Variants in LMO7 observed in about 807,000 individuals in gnomAD.
LMO7 encodes LIM domain 7.
Under a neutral mutation model 206.5 loss-of-function variants are expected in LMO7, and 120 were observed. The observed-to-expected ratio is 0.58, with a 90% confidence interval of 0.50 to 0.68. LMO7 has a LOEUF of 0.68. LMO7 is among the 30% of genes least tolerant of loss of function. The pLI is 0.00. For missense variants in LMO7, 1,959 were observed against 1,957.9 expected (o/e 1.00, Z -0.01); for synonymous variants, 706 against 681.5 (o/e 1.04, Z -0.56).
intron 2 of LMO7, among the ~76,000 whole-genome samples, chr13:75,718,140 G>A (rs558083493): frequency 7.2e-5 from 11 of 152,232 alleles, no homozygotes; most frequent in Middle Eastern, 3.4e-3. Flanking sequence ...ATCATGGTTC[G>A]TTTCACCTGT....
At chr13:75,827,133 T>C (rs186154210) in intron 15 of LMO7, among the ~76,000 whole-genome samples, 2 of 152,314 alleles carry the variant, frequency 1.3e-5, no homozygotes, top group East Asian at 3.9e-4. Context: ...TTCACTGATA[T>C]TCTTTGTACA....
Position 75,682,943 on chromosome 13 carries a change from C to T in LMO7, c.70-30239C>T, listed in dbSNP as rs190527602. On this transcript the variant is annotated intron_variant, in intron 1 of 30. Transcript: ENST00000377534. ...CATCTATGTATCTTCGATGAAGTGT[C>T]CAGATTATTTGTTTGCCCATCTTTT... Among the ~76,000 whole-genome samples, 226 of 152,200 alleles carry T rather than the reference C, an allele frequency of 1.5e-3. 1 individual carries two copies. The highest frequency in any genetic ancestry group is 5.0e-3 in the African/African-American group (209 of 41,534).
intron 28 of LMO7, 70 bp downstream of exon 28, chr13:75,853,458 C>A: frequency 1.5e-6 from 2 of 1,373,730 alleles, no homozygotes; most frequent in East Asian, 2.4e-5. Context: ...TCCCCCAAAT[C>A]CTGTCCAAGT....
chr13:75,621,401 G>A (rs2033301896), exon 1 of LMO7: 1 of 170,830 alleles, frequency 5.9e-6, no homozygotes, highest in African/African-American at 2.4e-5. Context: ...TATCTTTCCT[G>A]TAATAATACT....
chr13:75,835,478 T>C (rs1403886620), intron 18 of LMO7, 139 bp downstream of exon 18: 2 of 557,826 alleles, frequency 3.6e-6, no homozygotes, highest in Admixed American at 7.8e-5. Context: ...ATGTAAATTA[T>C]AGTAAAGAGA....
At chr13:75,680,594 T>C (rs944761557) in intron 1 of LMO7, among the ~76,000 whole-genome samples, 2 of 152,082 alleles carry the variant, frequency 1.3e-5, no homozygotes, top group African/African-American at 4.8e-5. Flanking sequence ...AATTTTACTT[T>C]AAGTTCTGGG....
chr13:75,677,218 A>G (rs1378335958), intron 1 of LMO7, among the ~76,000 whole-genome samples: 1 of 152,224 alleles, frequency 6.6e-6, no homozygotes, highest in African/African-American at 2.4e-5. Context: ...CTCTACAAAA[A>G]TCTACTCTAA....
intron 15 of LMO7, among the ~76,000 whole-genome samples, chr13:75,826,871 C>G (rs1037800461): frequency 5.9e-5 from 9 of 152,110 alleles, no homozygotes; most frequent in Non-Finnish European, 1.3e-4. Flanking sequence ...ACACGATTCA[C>G]CTGCATACCA....
At chr13:75,681,417 A>C (rs2139503103) in intron 1 of LMO7, among the ~76,000 whole-genome samples, 1 of 152,252 alleles carries the variant, frequency 6.6e-6, no homozygotes, top group East Asian at 1.9e-4. Context: ...TAGCCATTTC[A>C]TACTATCAAC....
At chr13:75,659,501 T>TA (rs1269396547) in intron 1 of LMO7, among the ~76,000 whole-genome samples, 14 of 152,276 alleles carry the variant, frequency 9.2e-5, no homozygotes, top group African/African-American at 3.4e-4. Context: ...AGGCACTTCT[T>TA]ACGTGGATGG....
chr13:75,682,586 G>T (rs542389386), intron 1 of LMO7, among the ~76,000 whole-genome samples: 2 of 152,182 alleles, frequency 1.3e-5, no homozygotes, highest in South Asian at 4.2e-4. Flanking sequence ...GAGGGTGGTG[G>T]CCTTGAAAGC....
At chr13:75,701,977 G>C (rs9318367) in intron 1 of LMO7, among the ~76,000 whole-genome samples, 1 of 151,976 alleles carries the variant, frequency 6.6e-6, no homozygotes, top group Admixed American at 6.6e-5. Flanking sequence ...TCTTCCAGTT[G>C]TATTTCATTT....
At chr13:75,736,874 G>T (rs1024194223) in intron 3 of LMO7, among the ~76,000 whole-genome samples, 1 of 152,156 alleles carries the variant, frequency 6.6e-6, no homozygotes, top group Non-Finnish European at 1.5e-5. Context: ...ACAGCATCTA[G>T]CATAGTGACT....
chr13:75,647,235 A>G (rs1274255577), intron 1 of LMO7, among the ~76,000 whole-genome samples: 1 of 152,224 alleles, frequency 6.6e-6, no homozygotes, highest in Non-Finnish European at 1.5e-5. Flanking sequence ...AAGTGGATGA[A>G]TGAACAAATA....
chr13:75,677,912 G>A (rs531370044), intron 1 of LMO7, among the ~76,000 whole-genome samples: 99 of 150,866 alleles, frequency 6.6e-4, no homozygotes, highest in Non-Finnish European at 5.6e-4. Context: ...TTGTCCTTGC[G>A]ATAGTTTGCT....
intron 1 of LMO7, among the ~76,000 whole-genome samples, chr13:75,709,246 C>T (rs1413635465): frequency 4.6e-5 from 7 of 152,092 alleles, no homozygotes; most frequent in South Asian, 2.1e-4. Context: ...TGAAAAGTGC[C>T]GCAATAAACA....
rs76167117 is a variant in LMO7 at position 75,745,871 on chromosome 13, G to A, written c.211-15061G>A. ...ATTAGCTCTCCTGGTTCTTAGAGGA[G>A]GCTTGCTGCCTTAGAGAGTGAACTA... On this transcript the variant is annotated intron_variant, in intron 3 of 30. Transcript: ENST00000377534. 7.8e-3 allele frequency among the ~76,000 whole-genome samples: 1,183 copies of A among 152,302 alleles called. 17 individuals carry two copies. Among genetic ancestry groups the A allele is most frequent in the African/African-American group, 0.027 (1,130 of 41,554 alleles).
At chr13:75,654,154 A>T (rs557650892) in intron 1 of LMO7, among the ~76,000 whole-genome samples, 2 of 152,194 alleles carry the variant, frequency 1.3e-5, no homozygotes, top group Non-Finnish European at 2.9e-5. Context: ...ACATGAAGAG[A>T]CTTTAAAGAA....
rs749657956 is a variant in LMO7 at position 75,858,690 on chromosome 13, C to T, written c.*747C>T. 39 of 152,560 alleles carry T rather than the reference C, an allele frequency of 2.6e-4. No homozygotes were observed. Among genetic ancestry groups the T allele is most frequent in the Admixed American group, 4.6e-4 (7 of 15,278 alleles). The allele number at this position is 152,560 out of a possible 1,614,324, so 9.5% of individuals were successfully genotyped here. A position where few individuals can be genotyped will look rare whatever the true frequency, so the allele number is the denominator to read the frequency against. Reference sequence around the variant, plus strand: ...CTGATGCATTTAACGAGTGGGTCGTCTTTTTCTTAGGTGTATGTGTCTGAC... The same window carrying T: ...CTGATGCATTTAACGAGTGGGTCGTTTTTTTCTTAGGTGTATGTGTCTGAC... On this transcript the variant is annotated 3_prime_UTR_variant, in exon 31 of 31. Transcript: ENST00000377534.
Sources: allele counts gnomAD v4.1 joint callset (sites outside exome capture counted in the v4.1 genomes callset), GRCh38; gene constraint gnomAD v4.1.1; transcripts MANE v1.5; gene names NCBI Gene and HGNC (gene_info 2026-07-23, HGNC 2026-07-21).